The following NLGN1 variants were observed in gnomAD, a reference collection of about 807,000 sequenced individuals.
NLGN1 encodes neuroligin 1, also known as neuroligin-1.
Under a neutral mutation model 65.5 loss-of-function variants are expected in NLGN1, and 12 were observed. The ratio of observed to expected loss-of-function variants is 0.18; its 90% CI spans 0.12 to 0.30. The LOEUF is 0.30. Ranked by LOEUF, NLGN1 falls within the 10% of genes least tolerant of loss-of-function variation. NLGN1 has a pLI of 1.00. For synonymous variants in NLGN1, 350 were observed against 359.5 expected (o/e 0.97, Z 0.30); for missense variants, 750 against 1,007.1 (o/e 0.74, Z 3.46).
chr3:173,477,815 A>G (rs489709), intron 2 of NLGN1, among the ~76,000 whole-genome samples: 15,716 of 152,116 alleles, frequency 0.1, 887 homozygotes, highest in Admixed American at 0.14. Flanking sequence ...CCACTTTTGA[A>G]TGGGGTTGTT....
At chr3:173,667,106 C>A (rs11924569) in intron 3 of NLGN1, among the ~76,000 whole-genome samples, 1 of 152,020 alleles carries the variant, frequency 6.6e-6, no homozygotes, top group Non-Finnish European at 1.5e-5. Flanking sequence ...GCCAATAATT[C>A]TAAAGAAATA....
Position 173,539,657 on chromosome 3 carries a change from G to GTATATATGTACATATATAACATA in NLGN1, c.-320-64621_-320-64620insATATATGTACATATATAACATAT, listed in dbSNP as rs1362050556. ...ACACATATATACATATATAACATAT[G>GTATATATGTACATATATAACATA]TGTATATATGCACATATATAACATA... is the stretch of plus-strand genomic sequence containing the variant. On this transcript the variant is annotated intron_variant, in intron 2 of 6. Transcript: ENST00000457714. Among the ~76,000 whole-genome samples the GTATATATGTACATATATAACATA allele has an allele frequency of 2.3e-3, 286 of 124,262 alleles. 14 individuals carry two copies. The highest frequency in any genetic ancestry group is 9.0e-3 in the African/African-American group (277 of 30,656). 81.5% of individuals were successfully genotyped at this position (124,262 alleles called of 152,430 possible).
At chr3:174,198,844 C>CTTTTTTTTTTT (rs56752477) in intron 4 of NLGN1, among the ~76,000 whole-genome samples, 5 of 99,890 alleles carry the variant, frequency 5.0e-5, no homozygotes, top group Admixed American at 1.3e-4. Context: ...TGACTAGATT[C>CTTTTTTTTTTT]TTTTTTTTTT....
rs530794231 is a variant in NLGN1 at position 173,442,114 on chromosome 3, T to G, written c.-321+7036T>G. On this transcript the variant is annotated intron_variant, in intron 2 of 6. Transcript: ENST00000457714. Reference sequence around the variant, plus strand: ...AAATTTGGAGTAATGAATGTGTCTTTGCAAGTTAGAAAAATGCCAATAACA... The same window carrying G: ...AAATTTGGAGTAATGAATGTGTCTTGGCAAGTTAGAAAAATGCCAATAACA... Among the ~76,000 whole-genome samples the G allele has an allele frequency of 3.3e-5, 5 of 152,306 alleles. No homozygotes were observed. The South Asian group carries it at 1.0e-3, about 32-fold the overall frequency.
At chr3:174,163,611 GTC>G (rs1726974572) in intron 4 of NLGN1, among the ~76,000 whole-genome samples, 1 of 151,938 alleles carries the variant, frequency 6.6e-6, no homozygotes, top group Admixed American at 6.6e-5. Flanking sequence ...AGACCCCAGT[GTC>G]TCTGGTTACC....
chr3:173,638,239 C>G (rs1193736383), intron 3 of NLGN1, among the ~76,000 whole-genome samples: 1 of 149,198 alleles, frequency 6.7e-6, no homozygotes, highest in East Asian at 2.0e-4. Context: ...GGCTGTGACT[C>G]TGTTTTGATG....
intron 3 of NLGN1, among the ~76,000 whole-genome samples, chr3:173,765,881 G>C (rs375452679): frequency 6.6e-6 from 1 of 151,996 alleles, no homozygotes; most frequent in Admixed American, 6.6e-5. Context: ...ATCTCTTTCT[G>C]TCATTTACCA....
intron 4 of NLGN1, among the ~76,000 whole-genome samples, chr3:174,022,102 T>G (rs569916973): frequency 1.3e-5 from 2 of 152,046 alleles, no homozygotes; most frequent in South Asian, 4.2e-4. Context: ...AAATTTCTGA[T>G]GCTCCATTAT....
intron 4 of NLGN1, among the ~76,000 whole-genome samples, chr3:174,148,602 T>C (rs1723779002): frequency 6.6e-6 from 1 of 152,196 alleles, no homozygotes; most frequent in Non-Finnish European, 1.5e-5. Flanking sequence ...CCTAATTAAG[T>C]ATATAAATCT....
At chr3:173,502,294 C>T (rs1476212768) in intron 2 of NLGN1, among the ~76,000 whole-genome samples, 3 of 152,074 alleles carry the variant, frequency 2.0e-5, no homozygotes. Flanking sequence ...GAAGATCTTA[C>T]TTTCCCAATT....
chr3:173,942,228 A>G (rs572333242), intron 4 of NLGN1, among the ~76,000 whole-genome samples: 6 of 151,912 alleles, frequency 3.9e-5, no homozygotes, highest in African/African-American at 7.3e-5. Flanking sequence ...AGCACTGCCT[A>G]TATTCTGGGC....
chr3:173,473,775 A>G (rs1725721200), intron 2 of NLGN1, among the ~76,000 whole-genome samples: 3 of 152,128 alleles, frequency 2.0e-5, no homozygotes, highest in African/African-American at 7.2e-5. Context: ...AAATAATCTC[A>G]AGTCAACTTC....
intron 1 of NLGN1, among the ~76,000 whole-genome samples, chr3:173,405,748 C>T (rs896208671): frequency 7.2e-5 from 11 of 151,938 alleles, no homozygotes; most frequent in Non-Finnish European, 1.2e-4. Context: ...AGACCAGGAA[C>T]GAAGAGACCG....
intron 4 of NLGN1, among the ~76,000 whole-genome samples, chr3:173,992,749 A>T (rs1269741525): frequency 5.3e-5 from 8 of 152,206 alleles, no homozygotes; most frequent in African/African-American, 1.4e-4. Context: ...AAAAGACAAG[A>T]AGATATTAAG....
intron 3 of NLGN1, among the ~76,000 whole-genome samples, chr3:173,718,977 T>C (rs905638476): frequency 6.6e-6 from 1 of 152,110 alleles, no homozygotes; most frequent in Non-Finnish European, 1.5e-5. Flanking sequence ...CATAATGAAA[T>C]CCACTTTTCA....
chr3:173,582,122 G>A (rs998680274), intron 2 of NLGN1, among the ~76,000 whole-genome samples: 3 of 151,964 alleles, frequency 2.0e-5, no homozygotes, highest in Non-Finnish European at 2.9e-5. Flanking sequence ...GCATCTTTCC[G>A]CAACATCCTT....
chr3:174,040,541 CA>C (rs1268809182), intron 4 of NLGN1, among the ~76,000 whole-genome samples: 1 of 151,706 alleles, frequency 6.6e-6, no homozygotes, highest in Non-Finnish European at 1.5e-5. Flanking sequence ...AATTGATAAA[CA>C]AAAAAATTAG....
chr3:173,961,285 C>G (rs1039577040), intron 4 of NLGN1, among the ~76,000 whole-genome samples: 1 of 151,944 alleles, frequency 6.6e-6, no homozygotes, highest in African/African-American at 2.4e-5. Flanking sequence ...GTAAATAAAA[C>G]GGTAGAAACA....
rs1168837585 is a variant in NLGN1 at position 174,116,330 on chromosome 3, C to CTTTTTT, written c.647-158963_647-158958dup. Reference sequence around the variant, plus strand: ...ACATGTAAGTTTTTTTCTGGGTTTTCTTTTTTTTTTTTTTTTTTTTTTTTT... The same window carrying CTTTTTT: ...ACATGTAAGTTTTTTTCTGGGTTTTCTTTTTTTTTTTTTTTTTTTTTTTTTTTTTTT... On this transcript the variant is annotated intron_variant, in intron 4 of 6. Coordinates refer to ENST00000457714, the Ensembl canonical transcript of NLGN1. Among the ~76,000 whole-genome samples, 26 of 69,650 alleles carry CTTTTTT rather than the reference C, an allele frequency of 3.7e-4. 10 individuals are homozygous for CTTTTTT. Among genetic ancestry groups the CTTTTTT allele is most frequent in the Non-Finnish European group, 4.2e-4 (14 of 33,128 alleles). The allele number at this position is 69,650 out of a possible 152,430, so 45.7% of individuals were successfully genotyped here.
Sources: allele counts gnomAD v4.1 joint callset (sites outside exome capture counted in the v4.1 genomes callset), GRCh38; gene constraint gnomAD v4.1.1; transcripts MANE v1.5; gene names NCBI Gene and HGNC (gene_info 2026-07-23, HGNC 2026-07-21).